The following CD247 variants were observed in gnomAD, a reference collection of about 807,000 sequenced individuals.
The protein encoded by CD247 is CD247 molecule.
CD247 carries 13 observed loss-of-function variants against 30.0 expected under a neutral mutation model. The ratio of observed to expected loss-of-function variants is 0.43; its 90% CI spans 0.28 to 0.69. The LOEUF (loss-of-function observed/expected upper bound fraction) is 0.69, where lower values mean the gene tolerates loss of function less well. Among genes scored for constraint, CD247 ranks in the 30% least tolerant of loss-of-function variants. The pLI, the probability that CD247 is intolerant of heterozygous loss-of-function variation, is 0.16. For missense variants in CD247, 193 were observed against 212.6 expected, an observed-to-expected ratio of 0.91 and a Z score of 0.57; for synonymous variants, 72 against 80.0, an observed-to-expected ratio of 0.90 and a Z score of 0.53.
chr1:167,476,020 A>G (rs575791784), intron 1 of CD247, among the ~76,000 whole-genome samples: 1 of 152,314 alleles, frequency 6.6e-6, no homozygotes, highest in Non-Finnish European at 1.5e-5. Flanking sequence ...AAGGGTGCTT[A>G]TCTTTTGGAA....
chr1:167,439,322 G>T (rs1161961347), intron 3 of CD247, 22 bp downstream of exon 3: 25 of 1,611,316 alleles, frequency 1.6e-5, no homozygotes, highest in Non-Finnish European at 2.0e-5. Context: ...TTTCCGGAGG[G>T]TCTACGGCGA....
chr1:167,508,876 A>C (rs1408047160), intron 1 of CD247, among the ~76,000 whole-genome samples: 1 of 152,204 alleles, frequency 6.6e-6, no homozygotes. Flanking sequence ...GGTTTCCGGG[A>C]CCAGGGACAC....
chr1:167,512,559 AG>A (rs1655432025), intron 1 of CD247, among the ~76,000 whole-genome samples: 2 of 152,238 alleles, frequency 1.3e-5, no homozygotes, highest in African/African-American at 4.8e-5. Flanking sequence ...TTTCTGCCCA[AG>A]TATACACTGC....
intron 1 of CD247, among the ~76,000 whole-genome samples, chr1:167,480,266 C>T (rs957652120): frequency 4.0e-5 from 6 of 151,552 alleles, no homozygotes; most frequent in East Asian, 1.9e-4. Context: ...CTTGGCAGGG[C>T]GATGAAAATG....
chr1:167,432,736 C>G (rs1020902631), intron 7 of CD247, among the ~76,000 whole-genome samples: 5 of 152,248 alleles, frequency 3.3e-5, no homozygotes, highest in Non-Finnish European at 7.3e-5. Context: ...TTGCCTCCAT[C>G]TGCATCGGCG....
At chr1:167,504,563 C>G (rs548506662) in intron 1 of CD247, among the ~76,000 whole-genome samples, 1 of 152,328 alleles carries the variant, frequency 6.6e-6, no homozygotes, top group South Asian at 2.1e-4. Flanking sequence ...CTGGCATAGC[C>G]TAACAGGACA....
At chr1:167,484,437 G>C (rs1299325178) in intron 1 of CD247, among the ~76,000 whole-genome samples, 1 of 152,168 alleles carries the variant, frequency 6.6e-6, no homozygotes, top group South Asian at 2.1e-4. Flanking sequence ...CAAGTTTCTG[G>C]AGGAGGAGGA....
intron 1 of CD247, among the ~76,000 whole-genome samples, chr1:167,508,319 G>C (rs549192161): frequency 7.2e-5 from 11 of 152,282 alleles, no homozygotes; most frequent in African/African-American, 2.6e-4. Flanking sequence ...ATTATAGATG[G>C]GAACATTTAA....
intron 1 of CD247, among the ~76,000 whole-genome samples, chr1:167,489,601 G>A (rs78294444): frequency 2.0e-5 from 3 of 152,322 alleles, no homozygotes; most frequent in East Asian, 3.9e-4. Context: ...CAAACCCAGA[G>A]TGACATAGCG....
chr1:167,471,965 T>A (rs1653551495), intron 1 of CD247, among the ~76,000 whole-genome samples: 1 of 151,834 alleles, frequency 6.6e-6, no homozygotes, highest in Non-Finnish European at 1.5e-5. Flanking sequence ...CCTGAGTAGC[T>A]GGGACTACAG....
intron 1 of CD247, among the ~76,000 whole-genome samples, chr1:167,505,436 T>C (rs1426039783): frequency 1.3e-5 from 2 of 152,268 alleles, no homozygotes; most frequent in Non-Finnish European, 2.9e-5. Flanking sequence ...TGTGTTTGCA[T>C]GTATGTGTGT....
chr1:167,445,425 C>T (rs1652034094), intron 1 of CD247, among the ~76,000 whole-genome samples: 1 of 152,122 alleles, frequency 6.6e-6, no homozygotes, highest in Non-Finnish European at 1.5e-5. Flanking sequence ...TCAGAGGAGG[C>T]TGGGGGCAGC....
chr1:167,482,755 G>A (rs1408735301), intron 1 of CD247, among the ~76,000 whole-genome samples: 1 of 152,182 alleles, frequency 6.6e-6, no homozygotes, highest in Non-Finnish European at 1.5e-5. Flanking sequence ...TGGGAGAGAG[G>A]CCTTGGGCTG....
chr1:167,434,262 C>T (rs1466358242), intron 5 of CD247, 186 bp from the exon 6 acceptor site: 4 of 659,192 alleles, frequency 6.1e-6, no homozygotes, highest in East Asian at 5.4e-5. Context: ...CAGCCCACCC[C>T]CCTCATCCTC....
At chr1:167,498,499 A>G (rs935772409) in intron 1 of CD247, among the ~76,000 whole-genome samples, 2 of 152,164 alleles carry the variant, frequency 1.3e-5, no homozygotes, top group East Asian at 1.9e-4. Context: ...CAGACACTCT[A>G]TTTGGCCTTT....
chr1:167,514,199 C>T (rs1209267192), intron 1 of CD247, among the ~76,000 whole-genome samples: 4 of 152,038 alleles, frequency 2.6e-5, no homozygotes, highest in Admixed American at 6.5e-5. Flanking sequence ...TGCAGTGGTA[C>T]GATCTCAGCT....
chr1:167,488,985 C>T (rs1465328187), intron 1 of CD247, among the ~76,000 whole-genome samples: 3 of 152,150 alleles, frequency 2.0e-5, no homozygotes, highest in Admixed American at 2.0e-4. Context: ...GCAGCTGCTT[C>T]CCTTGCCGTT....
chr1:167,475,813 G>T (rs968990910), intron 1 of CD247, among the ~76,000 whole-genome samples: 4 of 152,150 alleles, frequency 2.6e-5, no homozygotes, highest in African/African-American at 9.7e-5. Flanking sequence ...AAAGAGAGGG[G>T]TCGGGCTGTG....
intron 1 of CD247, 64 bp downstream of exon 1, chr1:167,518,344 C>T: frequency 6.7e-7 from 1 of 1,488,570 alleles, no homozygotes; most frequent in South Asian, 1.1e-5. Flanking sequence ...CTACCCACAC[C>T]CACTCCCCTA....
Sources: allele counts gnomAD v4.1 joint callset (sites outside exome capture counted in the v4.1 genomes callset), GRCh38; gene constraint gnomAD v4.1.1; transcripts MANE v1.5; gene names NCBI Gene and HGNC (gene_info 2026-07-23, HGNC 2026-07-21).